The following ESRRB variants were observed in gnomAD, a reference collection of about 807,000 sequenced individuals.
ESRRB encodes the protein estrogen related receptor beta, also known as steroid hormone receptor ERR2.
In ESRRB, 16 loss-of-function variants were observed where a neutral mutation model predicts 46.0. That is an observed-to-expected ratio of 0.35 (90% confidence interval 0.24 to 0.53). ESRRB has a LOEUF of 0.53. ESRRB is among the 20% of genes least tolerant of loss of function. The probability of loss-of-function intolerance (pLI) is 0.93; values close to 1 mark genes in which losing one functional copy is unlikely to be tolerated. For missense variants in ESRRB, 488 were observed against 607.4 expected (o/e 0.80, Z 2.07); for synonymous variants, 246 against 259.6 (o/e 0.95, Z 0.50).
At chr14:76,411,410 C>T (rs180860802) in intron 1 of ESRRB, among the ~76,000 whole-genome samples, 1 of 151,810 alleles carries the variant, frequency 6.6e-6, no homozygotes, top group Non-Finnish European at 1.5e-5. Flanking sequence ...ATTGCGCCAC[C>T]GAACTCCAGC....
At chr14:76,382,897 A>T (rs998085106) in intron 1 of ESRRB, among the ~76,000 whole-genome samples, 4 of 152,124 alleles carry the variant, frequency 2.6e-5, no homozygotes, top group African/African-American at 9.7e-5. Context: ...TCTATTCAAT[A>T]TTGTCATTCA....
chr14:76,423,586 C>T (rs1566890292), intron 1 of ESRRB, among the ~76,000 whole-genome samples: 1 of 152,008 alleles, frequency 6.6e-6, no homozygotes, highest in Admixed American at 6.6e-5. Flanking sequence ...CTCCTCTTCT[C>T]GGACCTTGAT....
chr14:76,460,371 G>A (rs923333607), intron 2 of ESRRB, among the ~76,000 whole-genome samples: 12 of 152,218 alleles, frequency 7.9e-5, no homozygotes, highest in Non-Finnish European at 1.5e-4. Flanking sequence ...TCAGTTTCTT[G>A]GTCTATGAAA....
intron 5 of ESRRB, among the ~76,000 whole-genome samples, chr14:76,484,919 C>T (rs928644641): frequency 3.3e-5 from 5 of 152,170 alleles, no homozygotes; most frequent in Middle Eastern, 3.2e-3. Context: ...GGATGTAGCG[C>T]GCTTAGTGTG....
Position 76,498,645 on chromosome 14 carries a change from A to AGGGGG in ESRRB, c.*187_*188insGGGGG. ...GGGTGCAGTGGGGTGGGGGACGGGG[A>AGGGGG]TGGGGGGGCAGGGGTGTGGGGCTCG... On this transcript the variant is annotated 3_prime_UTR_variant, in exon 7 of 7. Transcript: ENST00000644823. The AGGGGG allele has an allele frequency of 7.6e-6, 2 of 264,010 alleles. No homozygotes were observed. Among genetic ancestry groups the AGGGGG allele is most frequent in the Non-Finnish European group, 1.5e-5 (2 of 133,866 alleles). 16.4% of individuals were successfully genotyped at this position (264,010 alleles called of 1,614,324 possible).
At chr14:76,329,195 T>C (rs1234745564) in intron 1 of ESRRB, among the ~76,000 whole-genome samples, 1 of 152,136 alleles carries the variant, frequency 6.6e-6, no homozygotes, top group Non-Finnish European at 1.5e-5. Context: ...CTCGAGAACT[T>C]GTCTTCCCAG....
chr14:76,424,029 T>C (rs911630397), intron 1 of ESRRB, among the ~76,000 whole-genome samples: 1 of 152,190 alleles, frequency 6.6e-6, no homozygotes, highest in East Asian at 1.9e-4. Flanking sequence ...CACCCCTTCA[T>C]GATGTAACTC....
chr14:76,490,725 G>T (rs370246979), intron 5 of ESRRB, among the ~76,000 whole-genome samples: 5 of 152,194 alleles, frequency 3.3e-5, no homozygotes, highest in South Asian at 2.1e-4. Context: ...TAGCAGGGAG[G>T]GGGGAACTAG....
At chr14:76,345,161 CA>C (rs367730360) in intron 1 of ESRRB, among the ~76,000 whole-genome samples, 16 of 152,250 alleles carry the variant, frequency 1.1e-4, no homozygotes, top group African/African-American at 3.6e-4. Context: ...AACCCAAAAG[CA>C]AATGCAATAG....
chr14:76,388,139 C>T (rs545090302), intron 1 of ESRRB, among the ~76,000 whole-genome samples: 7 of 150,996 alleles, frequency 4.6e-5, no homozygotes, highest in African/African-American at 1.2e-4. Context: ...TGTTATGTGT[C>T]GCTCATTGCA....
At chr14:76,359,907 G>C (rs900695746) in intron 1 of ESRRB, among the ~76,000 whole-genome samples, 2 of 152,210 alleles carry the variant, frequency 1.3e-5, no homozygotes, top group African/African-American at 4.8e-5. Context: ...AGCCCCAAAG[G>C]CTCACGTATC....
At chr14:76,327,425 A>G (rs1386388254) in intron 1 of ESRRB, among the ~76,000 whole-genome samples, 2 of 152,282 alleles carry the variant, frequency 1.3e-5, no homozygotes, top group East Asian at 3.9e-4. Flanking sequence ...ATTTGACACT[A>G]TGTGAGGTGG....
chr14:76,476,018 C>CA (rs1432368877), intron 3 of ESRRB, among the ~76,000 whole-genome samples: 1 of 151,986 alleles, frequency 6.6e-6, no homozygotes, highest in Non-Finnish European at 1.5e-5. Flanking sequence ...TTGATACAGT[C>CA]AATTGACATT....
chr14:76,367,418 G>C (rs1884535500), upstream of ESRRB, among the ~76,000 whole-genome samples: 1 of 152,000 alleles, frequency 6.6e-6, no homozygotes, highest in South Asian at 2.1e-4. Context: ...TTAGCTGGAT[G>C]TGGTGGCACA....
At chr14:76,330,994 G>A (rs1240863374) in intron 1 of ESRRB, among the ~76,000 whole-genome samples, 4 of 152,136 alleles carry the variant, frequency 2.6e-5, no homozygotes, top group Admixed American at 2.6e-4. Flanking sequence ...GAGAGATGGG[G>A]TCAGTTAGGT....
intron 1 of ESRRB, among the ~76,000 whole-genome samples, chr14:76,415,022 C>A (rs1438184429): frequency 1.3e-5 from 2 of 152,232 alleles, no homozygotes; most frequent in African/African-American, 4.8e-5. Flanking sequence ...GTCGCCCATC[C>A]ATTCAATATC....
intron 1 of ESRRB, among the ~76,000 whole-genome samples, chr14:76,400,741 G>C (rs1035278705): frequency 1.3e-5 from 2 of 152,168 alleles, no homozygotes; most frequent in Non-Finnish European, 2.9e-5. Flanking sequence ...CCTGGGGACA[G>C]AAAGTGAAGA....
At position 76,482,999 on chromosome 14, in the gene ESRRB, C is replaced by T. The variant is rs779856211; in HGVS notation, c.850+240C>T. Among the ~76,000 whole-genome samples, 4 of 152,122 alleles carry T rather than the reference C, an allele frequency of 2.6e-5. No individual in the cohort carries two copies. The highest frequency in any genetic ancestry group is 2.4e-5 in the African/African-American group (1 of 41,396). ...AGGCTCTTCAGAATTAGTTATCATTCGAGGCGGGGCCATGTTTGGATCTAC... is the reference window on the plus strand; with the variant it reads ...AGGCTCTTCAGAATTAGTTATCATTTGAGGCGGGGCCATGTTTGGATCTAC... On this transcript the variant is annotated intron_variant, in intron 5 of 6. Coordinates refer to ENST00000644823, the MANE Select transcript of ESRRB (RefSeq NM_001379180.1). This position sits in a 1 kb window ranked among gnomAD's most constrained non-coding sequence, Gnocchi z 4.3.
At chr14:76,375,289 A>G (rs1318031858), upstream of ESRRB, among the ~76,000 whole-genome samples, 12 of 152,114 alleles carry the variant, frequency 7.9e-5, no homozygotes, top group Admixed American at 7.9e-4. Flanking sequence ...GGCATCCCAT[A>G]ATATTCGGGT....
Sources: allele counts gnomAD v4.1 joint callset (sites outside exome capture counted in the v4.1 genomes callset), GRCh38; gene constraint gnomAD v4.1.1; non-coding constraint Gnocchi (gnomAD v3.1); transcripts MANE v1.5; gene names NCBI Gene and HGNC (gene_info 2026-07-23, HGNC 2026-07-21).